The following ANO4 variants were observed in gnomAD, a reference collection of about 807,000 sequenced individuals.
The protein encoded by ANO4 is anoctamin-4.
ANO4 carries 69 observed loss-of-function variants against 141.9 expected under a neutral mutation model. The observed-to-expected ratio is 0.49, with a 90% CI of 0.40 to 0.59. The LOEUF is 0.59. Among genes scored for constraint, ANO4 ranks in the 20% least tolerant of loss-of-function variants. The pLI is 0.00. For missense variants in ANO4, 894 were observed against 1,162.2 expected, an observed-to-expected ratio of 0.77 and a Z score of 3.36; for synonymous variants, 350 against 394.3, an observed-to-expected ratio of 0.89 and a Z score of 1.33.
intron 13 of ANO4, among the ~76,000 whole-genome samples, chr12:101,044,508 G>A (rs2047546163): frequency 1.3e-5 from 2 of 152,204 alleles, no homozygotes; most frequent in African/African-American, 2.4e-5. Flanking sequence ...AAGAGCTACT[G>A]CCTTTTGGCT....
chr12:101,038,181 C>T (rs1296389304), intron 10 of ANO4, among the ~76,000 whole-genome samples: 1 of 152,200 alleles, frequency 6.6e-6, no homozygotes, highest in Non-Finnish European at 1.5e-5. Context: ...TTTACTATGA[C>T]AGAAGCAAAC....
At chr12:100,791,084 A>G (rs1208741163), upstream of ANO4, among the ~76,000 whole-genome samples, 2 of 152,210 alleles carry the variant, frequency 1.3e-5, no homozygotes, top group African/African-American at 4.8e-5. Context: ...CTTGGCCTTA[A>G]AATGTAATTC....
At chr12:100,957,514 T>C (rs186610787) in intron 5 of ANO4, among the ~76,000 whole-genome samples, 1 of 152,226 alleles carries the variant, frequency 6.6e-6, no homozygotes, top group Non-Finnish European at 1.5e-5. Context: ...TGGGTTTAAA[T>C]TGTCCAAAAA....
intron 5 of ANO4, among the ~76,000 whole-genome samples, chr12:100,957,339 A>G (rs1456944637): frequency 6.6e-6 from 1 of 152,206 alleles, no homozygotes; most frequent in East Asian, 1.9e-4. Context: ...GAACAGGTGC[A>G]GTCTCACCAG....
chr12:101,098,234 C>A (rs1339974167), intron 21 of ANO4, among the ~76,000 whole-genome samples: 1 of 152,178 alleles, frequency 6.6e-6, no homozygotes, highest in African/African-American at 2.4e-5. Flanking sequence ...TACCTCTGAC[C>A]TTTCGGGCTC....
At chr12:100,976,394 T>G (rs1296008702) in intron 7 of ANO4, among the ~76,000 whole-genome samples, 1 of 152,208 alleles carries the variant, frequency 6.6e-6, no homozygotes, top group Non-Finnish European at 1.5e-5. Flanking sequence ...AGCAAGCTTA[T>G]TGGCAGTTCT....
intron 8 of ANO4, among the ~76,000 whole-genome samples, chr12:100,990,828 G>T (rs193277430): frequency 6.6e-6 from 1 of 152,284 alleles, no homozygotes; most frequent in East Asian, 1.9e-4. Context: ...GGGGCGAAAG[G>T]CATCCCAAGA....
intron 1 of ANO4, among the ~76,000 whole-genome samples, chr12:100,849,583 CTCTT>C (rs766326997): frequency 1.3e-5 from 2 of 152,150 alleles, no homozygotes; most frequent in Non-Finnish European, 2.9e-5. Flanking sequence ...TTCTTTTTAT[CTCTT>C]TCATTGTTTC....
At chr12:100,886,781 C>T (rs1565972184) in intron 1 of ANO4, among the ~76,000 whole-genome samples, 1 of 152,234 alleles carries the variant, frequency 6.6e-6, no homozygotes, top group Admixed American at 6.5e-5. Flanking sequence ...ACCATATGGC[C>T]CACAAAGCCC....
chr12:100,937,609 T>A (rs1298930071), intron 3 of ANO4, among the ~76,000 whole-genome samples: 1 of 152,150 alleles, frequency 6.6e-6, no homozygotes, highest in African/African-American at 2.4e-5. Context: ...AGGTCTAAAA[T>A]CCTATAATAT....
Position 100,727,836 on chromosome 12 carries a change from G to A in ANO4, c.23-5938G>A, listed in dbSNP as rs747336568. Among the ~76,000 whole-genome samples, 13 of 151,876 alleles carry A rather than the reference G, an allele frequency of 8.6e-5. 1 individual carries two copies. Among genetic ancestry groups the A allele is most frequent in the African/African-American group, 1.4e-4 (6 of 41,384 alleles). On this transcript the variant is annotated intron_variant, in intron 1 of 29. Coordinates refer to the ANO4 transcript ENST00000644049. ...CACCCTACCCCATCCTTACCCCTTTGAACACAACTAACTGGTTTGGAAATG... is the reference window on the plus strand; with the variant it reads ...CACCCTACCCCATCCTTACCCCTTTAAACACAACTAACTGGTTTGGAAATG...
chr12:101,011,305 C>A (rs775448637), intron 8 of ANO4, among the ~76,000 whole-genome samples: 12 of 137,052 alleles, frequency 8.8e-5, no homozygotes, highest in Non-Finnish European at 1.1e-4. Context: ...TAGGAGGAAT[C>A]ATGGCCTTTT....
At chr12:101,116,613 C>A (rs2050863186) in intron 24 of ANO4, 66 bp from the exon 25 acceptor site, 2 of 1,609,840 alleles carry the variant, frequency 1.2e-6, no homozygotes, top group South Asian at 1.1e-5. Context: ...GAAGCAGGGT[C>A]TTCAGGGAAC....
intron 26 of ANO4, 131 bp downstream of exon 26, chr12:101,120,756 G>A (rs2051053861): frequency 7.4e-6 from 5 of 673,350 alleles, no homozygotes; most frequent in African/African-American, 3.6e-5. Context: ...GTCATATTAT[G>A]TAACCTCTTT....
At position 100,721,041 on chromosome 12, in the gene ANO4, T is replaced by A. The variant is rs183089753; in HGVS notation, c.22+3494T>A. 2.6e-5 allele frequency among the ~76,000 whole-genome samples: 4 copies of A among 152,326 alleles called. No homozygotes were observed. In the East Asian group the frequency reaches 7.7e-4, roughly 29 times the overall value. ...TTCCCCTCCCATGACTTCATCTTTATTCAGGTGACTCCCACATAGAAATCA... is the reference window on the plus strand; with the variant it reads ...TTCCCCTCCCATGACTTCATCTTTAATCAGGTGACTCCCACATAGAAATCA... On this transcript the variant is annotated intron_variant, in intron 1 of 29. Coordinates refer to the ANO4 transcript ENST00000644049.
chr12:100,896,277 A>T (rs768993814), intron 1 of ANO4, among the ~76,000 whole-genome samples: 9 of 152,210 alleles, frequency 5.9e-5, no homozygotes. Flanking sequence ...AAATGTCACA[A>T]CCAGCGTCCT....
Position 101,096,616 on chromosome 12 carries a change from T to A in ANO4, c.1819T>A (p.Ser607Thr), listed in dbSNP as rs1007246830. Residue 607 changes from serine (S) to threonine (T), a missense_variant, in exon 19 of 28, where the codon TCC becomes ACC. By Grantham distance (58) the Ser-to-Thr change is moderately conservative (BLOSUM62 1). Around this residue, in one of 2 missense-constraint regions of ANO4, gnomAD observed 637 missense variants for 909.2 expected, o/e 0.70. Coordinates refer to ENST00000392977, the MANE Select transcript of ANO4 (RefSeq NM_001286615.2). ...TTTTCAGTTTGTCAATCTGAACAGC[T>A]CCACATTTTACATCGCATTCTTCCT... ...FLFQFVNLNS[S>T]TFYIAFFLGR... The A allele has an allele frequency of 1.2e-6, 2 of 1,613,282 alleles. No homozygotes were observed. Among genetic ancestry groups the A allele is most frequent in the African/African-American group, 2.7e-5 (2 of 74,820 alleles).
intron 1 of ANO4, among the ~76,000 whole-genome samples, chr12:100,731,066 C>T (rs1474192904): frequency 6.6e-6 from 1 of 152,182 alleles, no homozygotes; most frequent in African/African-American, 2.4e-5. Context: ...CCTACAAAGC[C>T]ATCTTCTCTG....
intron 14 of ANO4, among the ~76,000 whole-genome samples, chr12:101,057,814 C>T (rs1159605471): frequency 6.6e-6 from 1 of 152,128 alleles, no homozygotes; most frequent in African/African-American, 2.4e-5. Flanking sequence ...CTATAGGTTG[C>T]CTGTTCACTC....
Sources: allele counts gnomAD v4.1 joint callset (sites outside exome capture counted in the v4.1 genomes callset), GRCh38; gene constraint gnomAD v4.1.1; regional missense constraint gnomAD v4.1.1; transcripts MANE v1.5; gene names NCBI Gene and HGNC (gene_info 2026-07-23, HGNC 2026-07-21).